GRM8: variants seen among roughly 807,000 people sequenced by gnomAD.
GRM8 encodes metabotropic glutamate receptor 8.
A neutral mutation model predicts 87.2 loss-of-function variants in GRM8; 47 were observed. The ratio of observed to expected loss-of-function variants is 0.54; its 90% CI spans 0.43 to 0.69. The LOEUF (loss-of-function observed/expected upper bound fraction) is 0.69, where lower values mean the gene tolerates loss of function less well. Ranked by LOEUF, GRM8 falls within the 30% of genes least tolerant of loss-of-function variation. The pLI is 0.00. For missense variants in GRM8, 1,019 were observed against 1,139.2 expected (o/e 0.89, Z 1.52); for synonymous variants, 396 against 404.5 (o/e 0.98, Z 0.25).
At chr7:126,964,932 G>C (rs1809689972) in intron 3 of GRM8, among the ~76,000 whole-genome samples, 1 of 152,102 alleles carries the variant, frequency 6.6e-6, no homozygotes, top group Non-Finnish European at 1.5e-5. Flanking sequence ...ATGATAAACT[G>C]GATTAAGAAA....
intron 7 of GRM8, among the ~76,000 whole-genome samples, chr7:126,715,545 GTGGTATACC>G (rs1811634086): frequency 6.6e-6 from 1 of 151,954 alleles, no homozygotes; most frequent in Non-Finnish European, 1.5e-5. Context: ...TTTTACATTT[GTGGTATACC>G]TACCTTTCTG....
At chr7:126,530,225 G>T (rs1216260547) in intron 9 of GRM8, among the ~76,000 whole-genome samples, 2 of 152,208 alleles carry the variant, frequency 1.3e-5, no homozygotes, top group Middle Eastern at 3.2e-3. Context: ...AGAGAGACCT[G>T]TGTGGTTCGA....
At chr7:126,887,059 G>A (rs1428255190) in intron 6 of GRM8, among the ~76,000 whole-genome samples, 2 of 151,954 alleles carry the variant, frequency 1.3e-5, no homozygotes, top group Admixed American at 1.3e-4. Context: ...AATCTATCTG[G>A]GTGTCTCAAA....
At chr7:126,729,533 G>A (rs1813372815) in intron 7 of GRM8, among the ~76,000 whole-genome samples, 1 of 152,140 alleles carries the variant, frequency 6.6e-6, no homozygotes, top group African/African-American at 2.4e-5. Flanking sequence ...CCCTGTCTTA[G>A]TTCTCCACTC....
intron 9 of GRM8, among the ~76,000 whole-genome samples, chr7:126,452,963 C>A (rs1031888191): frequency 6.6e-6 from 1 of 151,360 alleles, no homozygotes; most frequent in African/African-American, 2.4e-5. Flanking sequence ...ATTATTTAAC[C>A]TTGACAACCT....
At position 126,739,129 on chromosome 7, in the gene GRM8, A is replaced by G. The variant is rs185726441; in HGVS notation, c.1357+30736T>C. Among the ~76,000 whole-genome samples the G allele has an allele frequency of 2.7e-3, 409 of 152,066 alleles. 6 individuals are homozygous for G. The highest frequency in any genetic ancestry group is 2.0e-3 in the Non-Finnish European group (136 of 67,946). Reference sequence around the variant, plus strand: ...TTCCAAACAGTTTATTAAAGAAGAGAAAGAAGAATGCAGACATCCTCATAT... The same window carrying G: ...TTCCAAACAGTTTATTAAAGAAGAGGAAGAAGAATGCAGACATCCTCATAT... On this transcript the variant is annotated intron_variant, in intron 7 of 10. Coordinates refer to ENST00000339582, the MANE Select transcript of GRM8 (RefSeq NM_000845.3).
chr7:126,584,730 T>G (rs896005557), intron 8 of GRM8, among the ~76,000 whole-genome samples: 1 of 152,168 alleles, frequency 6.6e-6, no homozygotes, highest in Non-Finnish European at 1.5e-5. Context: ...CCAAATAACG[T>G]TTGTCGTTTC....
At chr7:127,045,168 C>G (rs749798918) in intron 3 of GRM8, among the ~76,000 whole-genome samples, 5 of 152,154 alleles carry the variant, frequency 3.3e-5, no homozygotes, top group Non-Finnish European at 7.4e-5. Flanking sequence ...AAGTCTATCA[C>G]TGTGGATTAA....
intron 2 of GRM8, among the ~76,000 whole-genome samples, chr7:127,125,729 C>A (rs1827325550): frequency 6.7e-6 from 1 of 148,162 alleles, no homozygotes; most frequent in Non-Finnish European, 1.5e-5. Flanking sequence ...CATCAGGGGA[C>A]CAATATCCAG....
chr7:126,973,869 G>C (rs10276301), intron 3 of GRM8, among the ~76,000 whole-genome samples: 8,194 of 152,188 alleles, frequency 0.054, 482 homozygotes, highest in African/African-American at 0.15. Flanking sequence ...ACTATACAGA[G>C]AGAGTAGCAG....
intron 2 of GRM8, among the ~76,000 whole-genome samples, chr7:127,200,318 C>G (rs1290046490): frequency 6.6e-6 from 1 of 152,152 alleles, no homozygotes; most frequent in South Asian, 2.1e-4. Context: ...TTTGGGAACT[C>G]TTACATGTAG....
intron 3 of GRM8, among the ~76,000 whole-genome samples, chr7:127,037,952 A>T (rs1818002822): frequency 6.6e-6 from 1 of 152,118 alleles, no homozygotes; most frequent in African/African-American, 2.4e-5. Flanking sequence ...AAAAAGTGAA[A>T]ACATGGTTTG....
At chr7:127,130,310 A>G (rs1380496867) in intron 2 of GRM8, among the ~76,000 whole-genome samples, 1 of 152,212 alleles carries the variant, frequency 6.6e-6, no homozygotes, top group African/African-American at 2.4e-5. Context: ...AAAATGTGGA[A>G]GTGACTTTGG....
At chr7:126,774,808 G>A (rs1563175506) in intron 6 of GRM8, among the ~76,000 whole-genome samples, 1 of 152,110 alleles carries the variant, frequency 6.6e-6, no homozygotes, top group South Asian at 2.1e-4. Context: ...AGAAATTTCA[G>A]ACTTTGATGC....
At chr7:126,445,287 G>C (rs1801896531) in intron 10 of GRM8, 1 of 152,016 alleles carries the variant, frequency 6.6e-6, no homozygotes, top group Non-Finnish European at 1.5e-5. Flanking sequence ...TAAGGTAAAG[G>C]TTGTAATGTT....
At chr7:126,865,896 T>C (rs1798552734) in intron 6 of GRM8, among the ~76,000 whole-genome samples, 1 of 152,218 alleles carries the variant, frequency 6.6e-6, no homozygotes, top group African/African-American at 2.4e-5. Flanking sequence ...AATATTCATA[T>C]ACAAATTTTT....
Position 126,523,503 on chromosome 7 carries a change from T to C in GRM8, c.2430+9449A>G, listed in dbSNP as rs188668861. On this transcript the variant is annotated intron_variant, in intron 9 of 10. Transcript: ENST00000339582. ...CCCTTTTCACAGACCTCTCAATTTTTTTTTTTTTTTTGAAACAGAGTCTCA... is the reference window on the plus strand; with the variant it reads ...CCCTTTTCACAGACCTCTCAATTTTCTTTTTTTTTTTGAAACAGAGTCTCA... Among the ~76,000 whole-genome samples the C allele has an allele frequency of 2.6e-5, 4 of 152,038 alleles. No homozygotes were observed. The East Asian group carries it at 7.7e-4, about 29-fold the overall frequency.
chr7:126,971,754 C>A (rs1264382539), intron 3 of GRM8, among the ~76,000 whole-genome samples: 1 of 152,038 alleles, frequency 6.6e-6, no homozygotes, highest in African/African-American at 2.4e-5. Context: ...AGTATAGAGA[C>A]CAAATAGCAA....
At chr7:126,771,597 T>C (rs10248873) in intron 6 of GRM8, among the ~76,000 whole-genome samples, 17,238 of 152,082 alleles carry the variant, frequency 0.11, 3,279 homozygotes, top group African/African-American at 0.39. Flanking sequence ...ATCCAGAACA[T>C]TAGATCAATT....
Sources: allele counts gnomAD v4.1 joint callset (sites outside exome capture counted in the v4.1 genomes callset), GRCh38; gene constraint gnomAD v4.1.1; transcripts MANE v1.5; gene names NCBI Gene and HGNC (gene_info 2026-07-23, HGNC 2026-07-21).